ITPR2: variants seen among roughly 807,000 people sequenced by gnomAD.
ITPR2 encodes inositol 1,4,5-trisphosphate-gated calcium channel ITPR2.
ITPR2 carries 207 observed loss-of-function variants against 317.1 expected under a neutral mutation model. That is an observed-to-expected ratio of 0.65 (90% CI 0.58 to 0.73). The LOEUF is 0.73. ITPR2 is among the 30% of genes least tolerant of loss of function. The probability of loss-of-function intolerance (pLI) is 0.00; values close to 1 mark genes in which losing one functional copy is unlikely to be tolerated. For missense variants in ITPR2, 2,613 were observed against 3,284.0 expected (o/e 0.80, Z 4.99); for synonymous variants, 1,156 against 1,149.1 (o/e 1.01, Z -0.12).
In ITPR2 at chr12:26,487,143, C is replaced by CCTAAATCTATGGTA; in HGVS notation, c.5478_5479insTACCATAGATTTAG (p.Val1827TyrfsTer9). 1 of 1,613,370 alleles carries CCTAAATCTATGGTA rather than the reference C, an allele frequency of 6.2e-7. No homozygotes were observed. On this transcript the variant is annotated frameshift_variant, in exon 40 of 57. Coordinates refer to ENST00000381340, the MANE Select transcript of ITPR2 (RefSeq NM_002223.4). LOFTEE classifies it high-confidence loss of function. ...TTGTTACCTAAATCTATGGTATTAA[C>CCTAAATCTATGGTA]TGTCACTGTTGATCTTATTTCTTTC... is the stretch of plus-strand genomic sequence containing the variant.
chr12:26,717,840 T>C (rs959145141), intron 5 of ITPR2, among the ~76,000 whole-genome samples: 3 of 152,174 alleles, frequency 2.0e-5, no homozygotes, highest in African/African-American at 7.2e-5. Context: ...CTTTTAAAAA[T>C]TAAATTATGA....
intron 13 of ITPR2, among the ~76,000 whole-genome samples, chr12:26,668,495 G>C (rs1202043548): frequency 1.3e-5 from 2 of 152,134 alleles, no homozygotes; most frequent in African/African-American, 4.8e-5. Flanking sequence ...AGGGAAGCCA[G>C]GTAGAAGCAA....
rs149036211 is a variant in ITPR2, at chr12:26,776,865, G to C, written c.163+13292C>G. 6.3e-3 allele frequency among the ~76,000 whole-genome samples: 961 copies of C among 152,290 alleles called. 10 individuals carry two copies. Among genetic ancestry groups the C allele is most frequent in the African/African-American group, 0.021 (888 of 41,564 alleles). Reference sequence around the variant, plus strand: ...CTGTTTGCTTCTAGACCTATAACTAGACTAAAGTCCTAGCAGGCCCCAGAG... The same window carrying C: ...CTGTTTGCTTCTAGACCTATAACTACACTAAAGTCCTAGCAGGCCCCAGAG... On this transcript the variant is annotated intron_variant, in intron 2 of 56. Coordinates refer to ENST00000381340, the MANE Select transcript of ITPR2 (RefSeq NM_002223.4).
At position 26,655,768 on chromosome 12, in the gene ITPR2, T is replaced by C; in HGVS notation, c.2529A>G (p.Lys843=). 1.2e-6 allele frequency: 2 copies of C among 1,613,222 alleles called. No individual in the cohort carries two copies. Among genetic ancestry groups the C allele is most frequent in the South Asian group, 2.2e-5 (2 of 91,076 alleles). Residue 843 remains lysine, a synonymous_variant, in exon 20 of 57, where the codon AAA becomes AAG. Coordinates refer to ENST00000381340, the MANE Select transcript of ITPR2 (RefSeq NM_002223.4). The part of the protein sequence containing the change: ...LTMEFVEEYL[K]EVVNQPFPFG... ...AAGGAAAGGGCTGGTTTACAACTTC[T>C]TTCAAATATTCTTCAACAAATTCCA...
At chr12:26,752,552 T>C (rs1949443553) in intron 2 of ITPR2, among the ~76,000 whole-genome samples, 1 of 152,134 alleles carries the variant, frequency 6.6e-6, no homozygotes, top group African/African-American at 2.4e-5. Context: ...CCCTATATGG[T>C]CTAAAAAGGG....
At chr12:26,464,484 C>A (rs1942119123) in intron 45 of ITPR2, among the ~76,000 whole-genome samples, 2 of 152,160 alleles carry the variant, frequency 1.3e-5, no homozygotes, top group South Asian at 4.1e-4. Context: ...TGCTTGCCTG[C>A]CACTCACCTC....
chr12:26,390,023 T>C (rs1182383112), intron 54 of ITPR2, among the ~76,000 whole-genome samples: 1 of 152,228 alleles, frequency 6.6e-6, no homozygotes, highest in African/African-American at 2.4e-5. Context: ...GGCACTCAAT[T>C]AAATACTGAT....
intron 45 of ITPR2, among the ~76,000 whole-genome samples, chr12:26,446,732 CAAAAAAAA>C (rs34601956): frequency 8.1e-6 from 1 of 122,772 alleles, no homozygotes; most frequent in African/African-American, 3.0e-5. Context: ...AAAAGGGACT[CAAAAAAAA>C]AAAAAAAAAC....
chr12:26,718,662 T>TACA (rs1948783858), intron 5 of ITPR2, among the ~76,000 whole-genome samples: 1 of 151,760 alleles, frequency 6.6e-6, no homozygotes, highest in African/African-American at 2.4e-5. Context: ...CAGGCTGGAG[T>TACA]ACAGTGGCAC....
rs1173956003 is a variant in ITPR2 at position 26,806,016 on chromosome 12, G to C, written c.93-15789C>G. On this transcript the variant is annotated intron_variant, in intron 1 of 56. Transcript: ENST00000381340. ...TAGACTGGTGGGGAAGAGAGAGACAGAAGTGGGAAGACCACTTTGGAAACT... is the reference window on the plus strand; with the variant it reads ...TAGACTGGTGGGGAAGAGAGAGACACAAGTGGGAAGACCACTTTGGAAACT... 2.0e-5 allele frequency among the ~76,000 whole-genome samples: 3 copies of C among 152,150 alleles called. No individual in the cohort carries two copies. In the East Asian group the frequency reaches 5.8e-4, roughly 29 times the overall value.
intron 32 of ITPR2, among the ~76,000 whole-genome samples, chr12:26,589,723 G>C (rs1945634808): frequency 6.8e-6 from 1 of 147,360 alleles, no homozygotes. Context: ...GAAGACAGAG[G>C]TTGCAGTGAG....
chr12:26,665,333 T>TGGGTTTTTG (rs1947601062), intron 14 of ITPR2, among the ~76,000 whole-genome samples: 1 of 152,246 alleles, frequency 6.6e-6, no homozygotes, highest in Non-Finnish European at 1.5e-5. Flanking sequence ...GGAGATAGTC[T>TGGGTTTTTG]GACTATGCAG....
intron 55 of ITPR2, among the ~76,000 whole-genome samples, chr12:26,374,618 A>G (rs1371047391): frequency 1.3e-5 from 2 of 152,250 alleles, no homozygotes; most frequent in African/African-American, 4.8e-5. Flanking sequence ...TTTGTTGAAC[A>G]GTAACTGTGA....
At chr12:26,484,544 G>C (rs1462809453) in intron 41 of ITPR2, among the ~76,000 whole-genome samples, 1 of 152,068 alleles carries the variant, frequency 6.6e-6, no homozygotes, top group Non-Finnish European at 1.5e-5. Flanking sequence ...CATATGTATG[G>C]TAATGTGACT....
intron 11 of ITPR2, among the ~76,000 whole-genome samples, chr12:26,684,846 A>C (rs781302845): frequency 1.3e-5 from 2 of 152,084 alleles, no homozygotes; most frequent in Non-Finnish European, 2.9e-5. Context: ...CATAGTAAGG[A>C]TTGATTAAGG....
intron 5 of ITPR2, among the ~76,000 whole-genome samples, chr12:26,718,534 T>G (rs1042178549): frequency 1.3e-5 from 2 of 148,922 alleles, no homozygotes; most frequent in Non-Finnish European, 3.0e-5. Flanking sequence ...TAAATATATA[T>G]ATAGACTTAA....
At chr12:26,441,326 T>C (rs1479851586) in intron 46 of ITPR2, among the ~76,000 whole-genome samples, 1 of 152,174 alleles carries the variant, frequency 6.6e-6, no homozygotes, top group Non-Finnish European at 1.5e-5. Flanking sequence ...TTTAAGTCTA[T>C]AACTTGCAGA....
At chr12:26,450,886 T>C (rs1941723103) in intron 45 of ITPR2, among the ~76,000 whole-genome samples, 1 of 152,008 alleles carries the variant, frequency 6.6e-6, no homozygotes, top group Non-Finnish European at 1.5e-5. Context: ...GAGTATGAGA[T>C]GGGCCATGGG....
At chr12:26,377,641 T>G (rs541050459) in intron 55 of ITPR2, among the ~76,000 whole-genome samples, 3 of 152,238 alleles carry the variant, frequency 2.0e-5, no homozygotes, top group Non-Finnish European at 4.4e-5. Flanking sequence ...TTTACCTGAT[T>G]ATTCACTAGA....
Sources: allele counts gnomAD v4.1 joint callset (sites outside exome capture counted in the v4.1 genomes callset), GRCh38; gene constraint gnomAD v4.1.1; transcripts MANE v1.5; gene names NCBI Gene and HGNC (gene_info 2026-07-23, HGNC 2026-07-21).